Variants in LDLRAD4 observed in about 807,000 individuals in gnomAD.
LDLRAD4 encodes the protein low-density lipoprotein receptor class A domain-containing protein 4.
A neutral mutation model predicts 17.0 loss-of-function variants in LDLRAD4; 5 were observed. The ratio of observed to expected loss-of-function variants is 0.29; its 90% confidence interval spans 0.15 to 0.62. The LOEUF (loss-of-function observed/expected upper bound fraction) is 0.62. Among genes scored for constraint, LDLRAD4 ranks in the 20% least tolerant of loss-of-function variants. The pLI is 0.84. For missense variants in LDLRAD4, 340 were observed against 424.7 expected, an observed-to-expected ratio of 0.80 and a Z score of 1.75; for synonymous variants, 168 against 171.8, an observed-to-expected ratio of 0.98 and a Z score of 0.17.
intron 3 of LDLRAD4, among the ~76,000 whole-genome samples, chr18:13,571,808 TTG>T (rs982274049): frequency 6.6e-6 from 1 of 152,070 alleles, no homozygotes; most frequent in African/African-American, 2.4e-5. Context: ...GGCTAATTTT[TTG>T]TGTTTTTAGT....
chr18:13,554,378 A>G (rs943833998), intron 3 of LDLRAD4, among the ~76,000 whole-genome samples: 2 of 152,242 alleles, frequency 1.3e-5, no homozygotes, highest in African/African-American at 2.4e-5. Context: ...AGGGAGTCAA[A>G]TGAAACAAAC....
chr18:13,442,579 C>T (rs944025882), intron 3 of LDLRAD4, among the ~76,000 whole-genome samples: 12 of 152,236 alleles, frequency 7.9e-5, no homozygotes, highest in Non-Finnish European at 1.8e-4. Context: ...GCACCTCCTG[C>T]CCTGGTCCTA....
exon 2 of LDLRAD4, chr18:13,387,696 G>T: frequency 6.2e-7 from 1 of 1,613,004 alleles, no homozygotes. Flanking sequence ...CGCAAGAGTT[G>T]GAGCACAGGC....
At chr18:13,407,063 A>G (rs909546707) in intron 2 of LDLRAD4, among the ~76,000 whole-genome samples, 1 of 152,180 alleles carries the variant, frequency 6.6e-6, no homozygotes, top group Admixed American at 6.5e-5. Context: ...AATAGTAAAC[A>G]AAGTGCGTGG....
chr18:13,387,726 C>T (rs867089629), exon 2 of LDLRAD4: 1 of 1,613,886 alleles, frequency 6.2e-7, no homozygotes, highest in Non-Finnish European at 8.5e-7. Flanking sequence ...GAGCAGTATG[C>T]CGGAAGCTGG....
intron 3 of LDLRAD4, among the ~76,000 whole-genome samples, chr18:13,572,676 A>G (rs1351795166): frequency 1.3e-5 from 2 of 152,198 alleles, no homozygotes; most frequent in Non-Finnish European, 2.9e-5. Context: ...TAACATTCTC[A>G]ATTCCCAGAG....
At chr18:13,335,450 C>T (rs1000600458) in intron 1 of LDLRAD4, among the ~76,000 whole-genome samples, 1 of 152,206 alleles carries the variant, frequency 6.6e-6, no homozygotes, top group African/African-American at 2.4e-5. Context: ...CTGTCTCCCA[C>T]CATCTTTTAC....
chr18:13,346,564 G>C (rs1845485420), intron 1 of LDLRAD4, among the ~76,000 whole-genome samples: 1 of 152,188 alleles, frequency 6.6e-6, no homozygotes. Flanking sequence ...TTGATTTGGG[G>C]TGGAGAGTTC....
intron 1 of LDLRAD4, among the ~76,000 whole-genome samples, chr18:13,340,540 G>T (rs149825809): frequency 5.9e-5 from 9 of 152,212 alleles, no homozygotes; most frequent in African/African-American, 2.2e-4. Context: ...ATCTTCTTTG[G>T]AGAAATGTCT....
chr18:13,551,206 C>T (rs2094431272), intron 3 of LDLRAD4, among the ~76,000 whole-genome samples: 1 of 152,194 alleles, frequency 6.6e-6, no homozygotes, highest in African/African-American at 2.4e-5. Context: ...CTCTTTCTTC[C>T]CACCCTCAGC....
intron 3 of LDLRAD4, among the ~76,000 whole-genome samples, chr18:13,506,002 G>T (rs1282781016): frequency 6.6e-6 from 1 of 152,098 alleles, no homozygotes; most frequent in East Asian, 1.9e-4. Context: ...TCCCTCCTCA[G>T]TGTGGATCCA....
At chr18:13,551,349 G>A (rs778542104) in intron 3 of LDLRAD4, among the ~76,000 whole-genome samples, 1 of 152,134 alleles carries the variant, frequency 6.6e-6, no homozygotes, top group Non-Finnish European at 1.5e-5. Flanking sequence ...TCCTACCGAG[G>A]ATCTGTTTTG....
chr18:13,410,623 T>A (rs2088247152), intron 2 of LDLRAD4, among the ~76,000 whole-genome samples: 1 of 152,198 alleles, frequency 6.6e-6, no homozygotes, highest in Non-Finnish European at 1.5e-5. Context: ...GGATGACAGA[T>A]AATGGCCTAC....
intron 3 of LDLRAD4, among the ~76,000 whole-genome samples, chr18:13,539,070 A>G (rs9965010): frequency 0.1 from 15,829 of 152,296 alleles, 961 homozygotes; most frequent in African/African-American, 0.17. Context: ...CGTTACAAAG[A>G]AAAAACAGAG....
At chr18:13,581,881 ATG>A (rs2094864957) in intron 3 of LDLRAD4, among the ~76,000 whole-genome samples, 1 of 152,016 alleles carries the variant, frequency 6.6e-6, no homozygotes, top group African/African-American at 2.4e-5. Context: ...GCACACACGT[ATG>A]TGTGTGCATG....
chr18:13,555,027 G>A (rs148900598), intron 3 of LDLRAD4, among the ~76,000 whole-genome samples: 2,139 of 152,274 alleles, frequency 0.014, 54 homozygotes, highest in African/African-American at 0.048. Flanking sequence ...GTCTAATCAT[G>A]AGCGAAAACA....
chr18:13,255,037 A>G (rs2043427058), intron 1 of LDLRAD4, among the ~76,000 whole-genome samples: 1 of 152,258 alleles, frequency 6.6e-6, no homozygotes, highest in Non-Finnish European at 1.5e-5. Flanking sequence ...AGTAATCATC[A>G]GATGAAATGA....
intron 3 of LDLRAD4, among the ~76,000 whole-genome samples, chr18:13,575,116 A>T (rs1205039018): frequency 6.6e-6 from 1 of 152,218 alleles, no homozygotes; most frequent in Non-Finnish European, 1.5e-5. Flanking sequence ...AACAGATGGT[A>T]TTTAGTTACA....
At chr18:13,602,011 A>G (rs2095169093) in intron 3 of LDLRAD4, among the ~76,000 whole-genome samples, 1 of 152,244 alleles carries the variant, frequency 6.6e-6, no homozygotes, top group African/African-American at 2.4e-5. Flanking sequence ...TTGCAGAAAC[A>G]TGGATGCAGC....
Sources: gnomAD v4.1 joint callset for allele counts (sites outside exome capture counted in the v4.1 genomes callset) on GRCh38, gnomAD v4.1.1 for gene constraint, MANE v1.5 for transcripts, NCBI Gene and HGNC (gene_info 2026-07-23, HGNC 2026-07-21) for gene names.